Variants in PCDHGA2 observed in about 807,000 individuals in gnomAD.
The protein encoded by PCDHGA2 is protocadherin gamma subfamily A, 2.
Under a neutral mutation model 59.2 loss-of-function variants are expected in PCDHGA2, and 40 were observed. The ratio of observed to expected loss-of-function variants is 0.68; its 90% confidence interval spans 0.52 to 0.88. The LOEUF (loss-of-function observed/expected upper bound fraction) is 0.88, where lower values mean the gene tolerates loss of function less well. PCDHGA2 is among the 40% of genes least tolerant of loss of function. The pLI is 0.00. For missense variants in PCDHGA2, 1,226 were observed against 1,204.0 expected (o/e 1.02, Z -0.27); for synonymous variants, 560 against 526.0 (o/e 1.06, Z -0.89).
intron 1 of PCDHGA2, among the ~76,000 whole-genome samples, chr5:141,461,376 T>C (rs2099014225): frequency 6.6e-6 from 1 of 152,184 alleles, no homozygotes; most frequent in South Asian, 2.1e-4. Context: ...AATTTGCATT[T>C]TCCTGATGAT....
Position 141,485,175 on chromosome 5 carries a change from T to C in PCDHGA2, c.2425-9632T>C, listed in dbSNP as rs2099608731. ...GTAGAGAATTAGCGGGCGGCAGCAA[T>C]GCTCCGCAAGGTGAGAAGCTGGACA... On this transcript the variant is annotated intron_variant, in intron 1 of 3. Coordinates refer to ENST00000394576, the MANE Select transcript of PCDHGA2 (RefSeq NM_018915.4). The surrounding 1 kb of genome is among the most constrained non-coding windows in gnomAD (Gnocchi z 5.7). 6.2e-7 allele frequency: 1 copy of C among 1,611,486 alleles called. No homozygotes were observed. Among genetic ancestry groups the C allele is most frequent in the Non-Finnish European group, 8.5e-7 (1 of 1,177,998 alleles).
chr5:141,352,378 G>C, intron 1 of PCDHGA2: 1 of 1,614,008 alleles, frequency 6.2e-7, no homozygotes, highest in Non-Finnish European at 8.5e-7. Flanking sequence ...TGATTCTAGC[G>C]ATCGCCCTGC....
At position 141,340,358 on chromosome 5, in the gene PCDHGA2, G is replaced by T; in HGVS notation, c.1387G>T (p.Glu463Ter). ...CACATCCTACTCCACCTACATTCCC[G>T]AAAACAACCCCAGAGGAGCCTCTGT... ...SRTSYSTYIP[E>*]NNPRGASVFS... is the part of the protein sequence containing the mutation. Residue 463 changes from glutamate to a stop codon, truncating the protein, a stop_gained, in exon 1 of 4, where the codon GAA (glutamate) becomes TAA (stop). Coordinates refer to ENST00000394576, the MANE Select transcript of PCDHGA2 (RefSeq NM_018915.4). LOFTEE classifies it high-confidence loss of function. 3 of 1,614,024 alleles carry T rather than the reference G, an allele frequency of 1.9e-6. No individual in the cohort carries two copies. Among genetic ancestry groups the T allele is most frequent in the African/African-American group, 1.3e-5 (1 of 74,998 alleles).
At chr5:141,498,793 T>C (rs2154592354) in intron 2 of PCDHGA2, among the ~76,000 whole-genome samples, 1 of 152,028 alleles carries the variant, frequency 6.6e-6, no homozygotes, top group Non-Finnish European at 1.5e-5. Context: ...ATTAGCCAGG[T>C]GTGGTGGTGC....
chr5:141,377,926 T>C (rs1194396438), intron 1 of PCDHGA2: 1 of 152,186 alleles, frequency 6.6e-6, no homozygotes, highest in Non-Finnish European at 1.5e-5. Flanking sequence ...AATCCACCTG[T>C]AACTGCTGCT....
intron 1 of PCDHGA2, chr5:141,350,564 G>A: frequency 6.2e-7 from 1 of 1,614,056 alleles, no homozygotes; most frequent in South Asian, 1.1e-5. Context: ...GTGTGCACTA[G>A]AATTCGAAAC....
At chr5:141,452,281 T>C (rs948141174) in intron 1 of PCDHGA2, among the ~76,000 whole-genome samples, 1 of 152,232 alleles carries the variant, frequency 6.6e-6, no homozygotes, top group African/African-American at 2.4e-5. Flanking sequence ...CCTTTCTTAC[T>C]TTCTGATATA....
intron 1 of PCDHGA2, among the ~76,000 whole-genome samples, chr5:141,346,916 A>C (rs935999484): frequency 6.6e-6 from 1 of 152,388 alleles, no homozygotes; most frequent in East Asian, 1.9e-4. Context: ...GTAAAAATAC[A>C]TATGAATAAA....
At position 141,344,278 on chromosome 5, in the gene PCDHGA2, G is replaced by A. The variant is rs757495940; in HGVS notation, c.2424+2883G>A. On this transcript the variant is annotated intron_variant, in intron 1 of 3. Transcript: ENST00000394576. ...CTTTTCTCTCTGAATCCGCAAAGCG[G>A]CAGCTTGGTCACCGCGGAGAGGATA... 7.4e-5 allele frequency: 120 copies of A among 1,613,980 alleles called. No individual in the cohort carries two copies. The highest frequency in any genetic ancestry group is 9.8e-5 in the Non-Finnish European group (116 of 1,179,936).
chr5:141,455,109 G>A (rs2098813382), intron 1 of PCDHGA2, among the ~76,000 whole-genome samples: 1 of 151,932 alleles, frequency 6.6e-6, no homozygotes, highest in South Asian at 2.1e-4. Context: ...ACTGCGCCCG[G>A]TGGGTCTAAT....
rs898536568 is a variant in PCDHGA2 at position 141,478,080 on chromosome 5, C to T, written c.2425-16727C>T. The T allele has an allele frequency of 1.9e-6, 3 of 1,614,012 alleles. No homozygotes were observed. The Admixed American group carries it at 5.0e-5, about 27-fold the overall frequency. The stretch of plus-strand genomic sequence containing the variant: ...TTGATCAAAGACAATGGGGAGCCTT[C>T]GCTCTCCACCACTGCTACCCTCACT... On this transcript the variant is annotated intron_variant, in intron 1 of 3. Coordinates refer to ENST00000394576, the MANE Select transcript of PCDHGA2 (RefSeq NM_018915.4).
At chr5:141,371,024 G>C (rs1588679786) in intron 1 of PCDHGA2, 1 of 1,613,886 alleles carries the variant, frequency 6.2e-7, no homozygotes, top group African/African-American at 1.3e-5. Context: ...ATCACCACCT[G>C]GTCCTCACAG....
intron 1 of PCDHGA2, chr5:141,364,707 T>C: frequency 5.6e-6 from 9 of 1,613,986 alleles, no homozygotes; most frequent in Non-Finnish European, 7.6e-6. Flanking sequence ...ATAATCGATA[T>C]TAATGATAAC....
chr5:141,372,112 C>A (rs1170751793), intron 1 of PCDHGA2: 7 of 1,613,708 alleles, frequency 4.3e-6, no homozygotes, highest in South Asian at 1.1e-5. Flanking sequence ...GAAGGCTCTG[C>A]GCTCTTCGAT....
At position 141,340,396 on chromosome 5, in the gene PCDHGA2, G is replaced by A. The variant is rs147569184; in HGVS notation, c.1425G>A (p.Thr475=). 5.6e-6 allele frequency: 9 copies of A among 1,613,990 alleles called. No homozygotes were observed. The highest frequency in any genetic ancestry group is 5.3e-5 in the African/African-American group (4 of 74,878). ...GAGGAGCCTCTGTCTTCTCAGTGAC[G>A]GCCCATGACCCCGACAGCAACGACA... ...NPRGASVFSV[T]AHDPDSNDNA... is the part of the protein sequence containing the mutation. Residue 475 remains threonine (T), a synonymous_variant, in exon 1 of 4, where the codon ACG becomes ACA. Transcript: ENST00000394576.
intron 1 of PCDHGA2, among the ~76,000 whole-genome samples, chr5:141,472,266 G>A (rs931951683): frequency 2.0e-5 from 3 of 152,198 alleles, no homozygotes. Flanking sequence ...TTATAGCCGG[G>A]CACAGTGGCT....
At chr5:141,384,919 G>C in intron 1 of PCDHGA2, 1 of 1,613,976 alleles carries the variant, frequency 6.2e-7, no homozygotes, top group Non-Finnish European at 8.5e-7. Context: ...AGTCTTGGCC[G>C]ACCTGGGCAG....
At chr5:141,360,285 C>A in intron 1 of PCDHGA2, 1 of 1,613,972 alleles carries the variant, frequency 6.2e-7, no homozygotes, top group Non-Finnish European at 8.5e-7. Context: ...TAGGAAACCT[C>A]GCCAAGGATC....
intron 1 of PCDHGA2, chr5:141,362,448 C>G (rs1370790602): frequency 1.2e-6 from 2 of 1,613,916 alleles, no homozygotes; most frequent in Non-Finnish European, 1.7e-6. Context: ...TGAACATAAC[C>G]CCGGAATTGG....
Sources: allele counts gnomAD v4.1 joint callset (sites outside exome capture counted in the v4.1 genomes callset), GRCh38; gene constraint gnomAD v4.1.1; non-coding constraint Gnocchi (gnomAD v3.1); transcripts MANE v1.5; gene names NCBI Gene and HGNC (gene_info 2026-07-23, HGNC 2026-07-21).